The following MATCAP2 variants were observed in gnomAD, a reference collection of about 807,000 sequenced individuals.
MATCAP2 encodes the protein putative tyrosine carboxypeptidase MATCAP2.
At chr7:36,330,508 T>C in the MATCAP2 span, among the ~76,000 whole-genome samples, 1 of 152,204 alleles carries the variant, frequency 6.6e-6, no homozygotes, top group East Asian at 1.9e-4. Flanking sequence ...TAAATCTTGA[T>C]TGGATCTCAG....
the MATCAP2 span, chr7:36,356,241 A>C: frequency 6.5e-6 from 1 of 153,254 alleles, no homozygotes; most frequent in Non-Finnish European, 1.5e-5. Context: ...GAGGCCAGGC[A>C]TGGTGGCTCA....
chr7:36,347,261 T>C, the MATCAP2 span, among the ~76,000 whole-genome samples: 2 of 152,210 alleles, frequency 1.3e-5, no homozygotes, highest in Admixed American at 1.3e-4. Context: ...TAATAAAGTT[T>C]CTGAAAAATC....
chr7:36,342,616 A>G, the MATCAP2 span, among the ~76,000 whole-genome samples: 2 of 152,062 alleles, frequency 1.3e-5, no homozygotes, highest in African/African-American at 4.8e-5. Context: ...TCTTAATCAC[A>G]GATGAGTAAT....
the MATCAP2 span, chr7:36,390,110 G>T: frequency 6.2e-7 from 1 of 1,610,042 alleles, no homozygotes; most frequent in East Asian, 2.2e-5. Flanking sequence ...ACCTTCCTCT[G>T]TCAACCTCTG....
chr7:36,324,229 C>T, the MATCAP2 span: 2 of 152,292 alleles, frequency 1.3e-5, no homozygotes, highest in East Asian at 3.9e-4. Flanking sequence ...CATCTGAGAA[C>T]CTTGGCACCG....
the MATCAP2 span, chr7:36,390,135 G>A: frequency 6.3e-7 from 1 of 1,596,842 alleles, no homozygotes; most frequent in Admixed American, 1.7e-5. Flanking sequence ...AACCCCCACC[G>A]GGCGGAGGGC....
the MATCAP2 span, among the ~76,000 whole-genome samples, chr7:36,372,799 T>C: frequency 6.6e-6 from 1 of 152,188 alleles, no homozygotes; most frequent in Non-Finnish European, 1.5e-5. Flanking sequence ...ACTGATGGTA[T>C]GTACATACAT....
the MATCAP2 span, chr7:36,367,249 G>A: frequency 5.5e-6 from 6 of 1,088,548 alleles, no homozygotes; most frequent in East Asian, 2.8e-4. Context: ...ACTGCCCCCG[G>A]GGTCCGCGCG....
At chr7:36,346,510 C>A in the MATCAP2 span, among the ~76,000 whole-genome samples, 147,530 of 152,310 alleles carry the variant, frequency 0.97, 71,632 homozygotes, top group East Asian at 1. Flanking sequence ...TAATAAGTGA[C>A]AGAAGCCAGT....
the MATCAP2 span, among the ~76,000 whole-genome samples, chr7:36,337,979 C>G: frequency 1.3e-5 from 2 of 152,114 alleles, no homozygotes; most frequent in African/African-American, 4.8e-5. Context: ...GCCCAAATTC[C>G]TATCTAAAGG....
the MATCAP2 span, among the ~76,000 whole-genome samples, chr7:36,348,335 G>A: frequency 0.44 from 67,317 of 151,956 alleles, 15,582 homozygotes; most frequent in South Asian, 0.64. Context: ...TAATGGGACA[G>A]TGGTAGTCAC....
chr7:36,346,004 G>T, the MATCAP2 span, among the ~76,000 whole-genome samples: 2 of 151,996 alleles, frequency 1.3e-5, no homozygotes, highest in African/African-American at 2.4e-5. Flanking sequence ...TGAAAAATTG[G>T]CAAAGGATCT....
chr7:36,335,278 T>C, the MATCAP2 span: 1 of 1,113,810 alleles, frequency 9.0e-7, no homozygotes, highest in African/African-American at 1.6e-5. Context: ...TAACACTGTT[T>C]TTTGTTTATA....
the MATCAP2 span, among the ~76,000 whole-genome samples, chr7:36,354,036 A>G: frequency 3.3e-5 from 5 of 152,154 alleles, no homozygotes; most frequent in Admixed American, 6.5e-5. Context: ...GCACCTATGA[A>G]GCACTGTACT....
At chr7:36,355,526 GAAAGT>G in the MATCAP2 span, 1 of 152,014 alleles carries the variant, frequency 6.6e-6, no homozygotes, top group Non-Finnish European at 1.5e-5. Context: ...CCTAACAAAG[GAAAGT>G]AAATACCATG....
chr7:36,346,979 T>G, the MATCAP2 span, among the ~76,000 whole-genome samples: 2 of 152,148 alleles, frequency 1.3e-5, no homozygotes, highest in Non-Finnish European at 2.9e-5. Context: ...CAGGCTGGTC[T>G]CAAACTCCTG....
chr7:36,369,231 AATAAT>A, the MATCAP2 span, among the ~76,000 whole-genome samples: 1 of 152,224 alleles, frequency 6.6e-6, no homozygotes, highest in African/African-American at 2.4e-5. Flanking sequence ...TGATAACTAA[AATAAT>A]ATAGAATTAT....
the MATCAP2 span, among the ~76,000 whole-genome samples, chr7:36,379,841 CACACACAG>C: frequency 0.019 from 2,407 of 127,298 alleles, 29 homozygotes; most frequent in Middle Eastern, 0.053. Context: ...CACACACACA[CACACACAG>C]AGAGAGAGAG....
chr7:36,337,006 G>T, the MATCAP2 span, among the ~76,000 whole-genome samples: 8 of 144,776 alleles, frequency 5.5e-5, no homozygotes, highest in Admixed American at 7.3e-5. Context: ...TGAAGCAGAA[G>T]AATCCTTGCA....
Sources: gnomAD v4.1 joint callset for allele counts (sites outside exome capture counted in the v4.1 genomes callset) on GRCh38, gnomAD v4.1.1 for gene constraint, MANE v1.5 for transcripts, NCBI Gene and HGNC (gene_info 2026-07-23, HGNC 2026-07-21) for gene names.